Variants in BAZ2B observed in about 807,000 individuals in gnomAD.
BAZ2B encodes the protein bromodomain adjacent to zinc finger domain 2B.
A neutral mutation model predicts 246.0 loss-of-function variants in BAZ2B; 91 were observed. That is an observed-to-expected ratio of 0.37 (90% CI 0.31 to 0.44). The LOEUF (loss-of-function observed/expected upper bound fraction) is 0.44. Among genes scored for constraint, BAZ2B ranks in the 20% least tolerant of loss-of-function variants. The probability of loss-of-function intolerance (pLI) is 1.00; values close to 1 mark genes in which losing one functional copy is unlikely to be tolerated. For missense variants in BAZ2B, 2,332 were observed against 2,533.7 expected (o/e 0.92, Z 1.71); for synonymous variants, 855 against 860.0 (o/e 0.99, Z 0.10).
At chr2:159,488,129 A>G (rs1355902029) in intron 2 of BAZ2B, among the ~76,000 whole-genome samples, 1 of 152,082 alleles carries the variant, frequency 6.6e-6, no homozygotes, top group Admixed American at 6.5e-5. Context: ...GCTGGAGTAT[A>G]GCAGTGCAAT....
intron 1 of BAZ2B, among the ~76,000 whole-genome samples, chr2:159,565,779 AAAAAAAAAAAAAAGG>A (rs1176597084): frequency 1.0e-4 from 3 of 29,516 alleles, no homozygotes; most frequent in African/African-American, 2.2e-4. Flanking sequence ...TCCCATCTCA[AAAAAAAAAAAAAAGG>A]AAAAAAAAAA....
At chr2:159,643,203 G>A in the BAZ2B span, among the ~76,000 whole-genome samples, 1 of 152,232 alleles carries the variant, frequency 6.6e-6, no homozygotes, top group South Asian at 2.1e-4. Flanking sequence ...ACAATACACT[G>A]GTGGTTTAAC....
chr2:159,559,241 A>T (rs73008682), intron 1 of BAZ2B, among the ~76,000 whole-genome samples: 8,180 of 129,014 alleles, frequency 0.063, 376 homozygotes, highest in African/African-American at 0.13. Context: ...TAACCCTGTT[A>T]AAAAAAAAAA....
At chr2:159,338,112 C>G (rs7559681) in intron 31 of BAZ2B, among the ~76,000 whole-genome samples, 99,931 of 152,050 alleles carry the variant, frequency 0.66, 35,053 homozygotes, top group East Asian at 0.79. Context: ...AGCCTTTGCT[C>G]TTCCTTTCTG....
At chr2:159,453,919 CT>C in intron 3 of BAZ2B, 118 bp from the exon 4 acceptor site, 1 of 890,748 alleles carries the variant, frequency 1.1e-6, no homozygotes, top group Non-Finnish European at 1.5e-6. Context: ...TTATTTTACC[CT>C]TTTCCTGCTG....
chr2:159,367,676 G>C (rs1321531606), intron 27 of BAZ2B, among the ~76,000 whole-genome samples: 1 of 152,010 alleles, frequency 6.6e-6, no homozygotes, highest in African/African-American at 2.4e-5. Context: ...ATGAGGTCAG[G>C]AGATCGAGAC....
At chr2:159,694,854 G>A in the BAZ2B span, 1 of 152,140 alleles carries the variant, frequency 6.6e-6, no homozygotes, top group Admixed American at 6.6e-5. Flanking sequence ...CGATATTGCT[G>A]AGTCATATGG....
At chr2:159,447,020 C>T (rs777064863) in intron 5 of BAZ2B, 45 bp from the exon 6 acceptor site, 4 of 1,358,044 alleles carry the variant, frequency 2.9e-6, no homozygotes, top group Admixed American at 2.6e-5. Context: ...AATATTATTG[C>T]ATCATTTAAA....
chr2:159,464,448 TG>T (rs2076793690), intron 3 of BAZ2B: 1 of 152,204 alleles, frequency 6.6e-6, no homozygotes. Flanking sequence ...ATGGTCAATG[TG>T]CCCTTCTCAG....
chr2:159,651,042 A>G, the BAZ2B span, among the ~76,000 whole-genome samples: 1 of 151,704 alleles, frequency 6.6e-6, no homozygotes, highest in Non-Finnish European at 1.5e-5. Context: ...CCTTTTATTA[A>G]CTAGCCTTAA....
At chr2:159,405,933 G>C (rs2149813163) in intron 14 of BAZ2B, among the ~76,000 whole-genome samples, 1 of 152,304 alleles carries the variant, frequency 6.6e-6, no homozygotes, top group Non-Finnish European at 1.5e-5. Context: ...ATTTATGAAG[G>C]AGAGGGACTA....
chr2:159,539,939 G>C (rs1176247529), intron 2 of BAZ2B, among the ~76,000 whole-genome samples: 1 of 151,982 alleles, frequency 6.6e-6, no homozygotes, highest in Non-Finnish European at 1.5e-5. Context: ...ACCTCATCAG[G>C]GAGACCTTCC....
intron 20 of BAZ2B, among the ~76,000 whole-genome samples, chr2:159,391,641 A>G (rs2063342224): frequency 6.6e-6 from 1 of 152,170 alleles, no homozygotes; most frequent in Non-Finnish European, 1.5e-5. Flanking sequence ...AGACACACGG[A>G]CAAGCTAGAT....
intron 1 of BAZ2B, among the ~76,000 whole-genome samples, chr2:159,604,338 C>G (rs1692884734): frequency 6.6e-6 from 1 of 151,944 alleles, no homozygotes; most frequent in Non-Finnish European, 1.5e-5. Context: ...ACACTCCTGG[C>G]CTCCAGCGAT....
chr2:159,623,773 G>A, the BAZ2B span, among the ~76,000 whole-genome samples: 1 of 152,236 alleles, frequency 6.6e-6, no homozygotes, highest in Admixed American at 6.5e-5. Context: ...ATGAAAATAG[G>A]TATATATACA....
intron 21 of BAZ2B, among the ~76,000 whole-genome samples, chr2:159,388,636 T>C (rs550800464): frequency 1.3e-5 from 2 of 152,290 alleles, no homozygotes; most frequent in Admixed American, 1.3e-4. Flanking sequence ...CAAGATTGTA[T>C]TGAGGATTAA....
At chr2:159,592,685 A>T (rs144808172) in intron 1 of BAZ2B, among the ~76,000 whole-genome samples, 1 of 152,308 alleles carries the variant, frequency 6.6e-6, no homozygotes, top group Non-Finnish European at 1.5e-5. Flanking sequence ...GGGACAAGGA[A>T]AAAAGGCGTG....
intron 2 of BAZ2B, among the ~76,000 whole-genome samples, chr2:159,494,551 G>C (rs1304239303): frequency 2.0e-5 from 3 of 152,128 alleles, no homozygotes; most frequent in African/African-American, 7.2e-5. Context: ...TCACTGATGA[G>C]AGCAGCTGTA....
intron 1 of BAZ2B, among the ~76,000 whole-genome samples, chr2:159,556,070 G>A (rs2089077871): frequency 6.6e-6 from 1 of 152,090 alleles, no homozygotes; most frequent in Non-Finnish European, 1.5e-5. Context: ...ATTTATTATA[G>A]TATGGCAGAT....
Sources: allele counts gnomAD v4.1 joint callset (sites outside exome capture counted in the v4.1 genomes callset), GRCh38; gene constraint gnomAD v4.1.1; transcripts MANE v1.5; gene names NCBI Gene and HGNC (gene_info 2026-07-23, HGNC 2026-07-21).